GHR: variants seen among roughly 807,000 people sequenced by gnomAD.
GHR encodes GH receptor.
A neutral mutation model predicts 67.1 loss-of-function variants in GHR; 35 were observed. That is an observed-to-expected ratio of 0.52 (90% confidence interval 0.40 to 0.69). The LOEUF (loss-of-function observed/expected upper bound fraction) is 0.69, where lower values mean the gene tolerates loss of function less well. Among genes scored for constraint, GHR ranks in the 30% least tolerant of loss-of-function variants. The pLI, the probability that GHR is intolerant of heterozygous loss-of-function variation, is 0.00. For synonymous variants in GHR, 272 were observed against 269.1 expected (o/e 1.01, Z -0.10); for missense variants, 792 against 764.6 (o/e 1.04, Z -0.42).
intron 1 of GHR, chr5:42,467,685 C>T: frequency 6.3e-7 from 1 of 1,590,214 alleles, no homozygotes. Flanking sequence ...GCTTTGCACT[C>T]TGAATGAAGG....
intron 3 of GHR, among the ~76,000 whole-genome samples, chr5:42,641,716 C>G (rs996011074): frequency 3.3e-5 from 5 of 152,152 alleles, no homozygotes; most frequent in Non-Finnish European, 1.5e-5. Flanking sequence ...TAAAATTTGT[C>G]TTGGGTAACT....
At chr5:42,490,683 C>T (rs1356205326) in intron 1 of GHR, among the ~76,000 whole-genome samples, 8 of 152,198 alleles carry the variant, frequency 5.3e-5, no homozygotes, top group African/African-American at 1.4e-4. Context: ...CTTCCATTTC[C>T]TACTGAAAGT....
chr5:42,517,442 T>C (rs1027130671), intron 1 of GHR, among the ~76,000 whole-genome samples: 10 of 152,180 alleles, frequency 6.6e-5, no homozygotes, highest in Non-Finnish European at 1.2e-4. Context: ...CGGTAAATAC[T>C]GAAGGAATGA....
At chr5:42,565,571 G>T (rs894724734) in intron 1 of GHR, 6 of 985,272 alleles carry the variant, frequency 6.1e-6, no homozygotes, top group Non-Finnish European at 6.0e-6. Context: ...GTGCATGGGG[G>T]TCGTTTGCTG....
chr5:42,636,855 G>A (rs977712866), intron 3 of GHR, among the ~76,000 whole-genome samples: 11 of 152,204 alleles, frequency 7.2e-5, no homozygotes, highest in African/African-American at 2.4e-4. Context: ...GCAAATACAT[G>A]CAATATAAGG....
intron 2 of GHR, among the ~76,000 whole-genome samples, chr5:42,576,100 A>AAAATAAAATAAAATAAAATAAAAT (rs1396306656): frequency 4.0e-3 from 65 of 16,244 alleles, no homozygotes; most frequent in African/African-American, 8.4e-3. Flanking sequence ...AAAATAAAAT[A>AAAATAAAATAAAATAAAATAAAAT]AATAAAATAA....
intron 2 of GHR, among the ~76,000 whole-genome samples, chr5:42,576,089 T>TAAA (rs374889353): frequency 1.3e-5 from 1 of 79,774 alleles, no homozygotes; most frequent in Non-Finnish European, 2.5e-5. Flanking sequence ...TAAAATAAAA[T>TAAA]AAAATAAAAT....
At chr5:42,450,877 A>G (rs1320522485) in intron 1 of GHR, among the ~76,000 whole-genome samples, 1 of 152,086 alleles carries the variant, frequency 6.6e-6, no homozygotes, top group Non-Finnish European at 1.5e-5. Context: ...TCTTGATTTC[A>G]TTGTTGACCC....
chr5:42,644,345 C>A (rs1456718219), intron 3 of GHR, among the ~76,000 whole-genome samples: 1 of 152,080 alleles, frequency 6.6e-6, no homozygotes, highest in Non-Finnish European at 1.5e-5. Flanking sequence ...GTCTAACTGC[C>A]AGTGTGTAGG....
chr5:42,672,428 A>G (rs1756363701), intron 3 of GHR, among the ~76,000 whole-genome samples: 1 of 152,224 alleles, frequency 6.6e-6, no homozygotes, highest in Non-Finnish European at 1.5e-5. Flanking sequence ...AACTAGGGAT[A>G]CATCTAACCA....
At chr5:42,530,658 G>A (rs1579880383) in intron 1 of GHR, among the ~76,000 whole-genome samples, 1 of 152,156 alleles carries the variant, frequency 6.6e-6, no homozygotes, top group Admixed American at 6.5e-5. Flanking sequence ...ATTTGGGGCT[G>A]TGGAAATTGC....
chr5:42,559,699 G>A (rs1749498422), intron 1 of GHR, among the ~76,000 whole-genome samples: 1 of 152,176 alleles, frequency 6.6e-6, no homozygotes, highest in Non-Finnish European at 1.5e-5. Context: ...CAAGAGGAGA[G>A]AAATCTCAGC....
At chr5:42,592,615 A>G (rs1751844222) in intron 2 of GHR, among the ~76,000 whole-genome samples, 1 of 152,210 alleles carries the variant, frequency 6.6e-6, no homozygotes, top group African/African-American at 2.4e-5. Context: ...ATGGCTGCAT[A>G]GTATTCCATG....
intron 3 of GHR, among the ~76,000 whole-genome samples, chr5:42,632,235 A>G (rs923730819): frequency 2.6e-5 from 4 of 152,078 alleles, no homozygotes; most frequent in African/African-American, 4.8e-5. Flanking sequence ...TACACTGCTC[A>G]TGTCATCGAA....
chr5:42,462,160 G>A (rs1023712862), intron 1 of GHR, among the ~76,000 whole-genome samples: 5 of 152,158 alleles, frequency 3.3e-5, no homozygotes, highest in Admixed American at 6.5e-5. Context: ...TATAGACACC[G>A]AATTTAACGA....
At chr5:42,495,108 A>G (rs925294520) in intron 1 of GHR, among the ~76,000 whole-genome samples, 1 of 151,280 alleles carries the variant, frequency 6.6e-6, no homozygotes, top group African/African-American at 2.4e-5. Flanking sequence ...ATGGAGGTAG[A>G]TTACATTTAT....
At chr5:42,570,874 G>A (rs1247681859) in intron 2 of GHR, among the ~76,000 whole-genome samples, 1 of 152,144 alleles carries the variant, frequency 6.6e-6, no homozygotes, top group Non-Finnish European at 1.5e-5. Flanking sequence ...GAATTTGAAA[G>A]GGATGAATTA....
At chr5:42,703,128 T>C (rs1202763836) in intron 6 of GHR, among the ~76,000 whole-genome samples, 1 of 152,068 alleles carries the variant, frequency 6.6e-6, no homozygotes, top group Non-Finnish European at 1.5e-5. Context: ...AAAAAATCAT[T>C]GCCCAAACCA....
chr5:42,564,673 A>G (rs1048372270), intron 1 of GHR, among the ~76,000 whole-genome samples: 3 of 152,238 alleles, frequency 2.0e-5, no homozygotes, highest in Non-Finnish European at 4.4e-5. Flanking sequence ...AGAATTACAC[A>G]GCCATTGCCG....
Sources: allele counts gnomAD v4.1 joint callset (sites outside exome capture counted in the v4.1 genomes callset), GRCh38; gene constraint gnomAD v4.1.1; transcripts MANE v1.5; gene names NCBI Gene and HGNC (gene_info 2026-07-23, HGNC 2026-07-21).